Variants in XPO7 observed in about 807,000 individuals in gnomAD.
XPO7 encodes exportin-7.
XPO7 carries 21 observed loss-of-function variants against 144.3 expected under a neutral mutation model. The ratio of observed to expected loss-of-function variants is 0.15; its 90% CI spans 0.10 to 0.21. The LOEUF is 0.21. XPO7 is among the 10% of genes least tolerant of loss of function. The pLI is 1.00. For missense variants in XPO7, 808 were observed against 1,325.8 expected, an observed-to-expected ratio of 0.61 and a Z score of 6.06; for synonymous variants, 580 against 499.6, an observed-to-expected ratio of 1.16 and a Z score of -2.15.
rs182591599 is a variant in XPO7, at chr8:21,966,207, G to T, written c.19-650G>T. On this transcript the variant is annotated intron_variant, in intron 1 of 27. Transcript: ENST00000252512. ...CTGTGAGTGAGCATATGCTAGGGTT[G>T]AATTTATTTTGACGCTTTCATTTTA... 1.5e-5 allele frequency: 11 copies of T among 744,894 alleles called. No individual in the cohort carries two copies. The East Asian group carries it at 1.7e-4, about 12-fold the overall frequency. 46.1% of individuals were successfully genotyped at this position (744,894 alleles called of 1,614,324 possible).
chr8:22,001,372 G>A (rs1813141174), intron 24 of XPO7, among the ~76,000 whole-genome samples: 1 of 151,914 alleles, frequency 6.6e-6, no homozygotes, highest in Non-Finnish European at 1.5e-5. Flanking sequence ...CAGTCCCGTA[G>A]GAATCAGAGA....
At chr8:21,962,191 G>C (rs1811747135) in intron 1 of XPO7, among the ~76,000 whole-genome samples, 1 of 152,158 alleles carries the variant, frequency 6.6e-6, no homozygotes, top group Admixed American at 6.5e-5. Context: ...AGTTTGCCCT[G>C]TGAACTCTAT....
chr8:21,963,621 G>A (rs1054588124), intron 1 of XPO7, among the ~76,000 whole-genome samples: 1 of 151,838 alleles, frequency 6.6e-6, no homozygotes, highest in Non-Finnish European at 1.5e-5. Context: ...CTTGAACCCA[G>A]GAGGCGGAGG....
chr8:21,979,687 G>T (rs937823569), intron 8 of XPO7, among the ~76,000 whole-genome samples: 1 of 152,114 alleles, frequency 6.6e-6, no homozygotes, highest in Non-Finnish European at 1.5e-5. Context: ...GATTACAGGC[G>T]TGAGCCACCA....
intron 16 of XPO7, among the ~76,000 whole-genome samples, chr8:21,989,802 A>G (rs530155219): frequency 4.9e-4 from 54 of 111,228 alleles, no homozygotes; most frequent in South Asian, 9.6e-4. Context: ...TACAAATAGG[A>G]GTTTGGTATA....
chr8:21,934,701 G>A (rs751468797), intron 1 of XPO7, among the ~76,000 whole-genome samples: 59 of 152,206 alleles, frequency 3.9e-4, no homozygotes, highest in Non-Finnish European at 6.3e-4. Flanking sequence ...CCCAACTGAA[G>A]CTTGGGGAGC....
chr8:21,958,014 A>C (rs535846804), intron 1 of XPO7, among the ~76,000 whole-genome samples: 1 of 152,268 alleles, frequency 6.6e-6, no homozygotes, highest in African/African-American at 2.4e-5. Context: ...GAAAAGTCAT[A>C]ATTCATGCAT....
At chr8:21,955,137 G>A (rs1193870374) in intron 1 of XPO7, among the ~76,000 whole-genome samples, 1 of 152,160 alleles carries the variant, frequency 6.6e-6, no homozygotes, top group East Asian at 1.9e-4. Flanking sequence ...TAATCTGCCT[G>A]GCCTGTATAA....
Position 22,003,886 on chromosome 8 carries a change from C to T in XPO7, c.3043-17C>T, listed in dbSNP as rs756238511. 29 of 1,613,366 alleles carry T rather than the reference C, an allele frequency of 1.8e-5. No individual in the cohort carries two copies. The South Asian group carries it at 3.1e-4, about 17-fold the overall frequency. Reference sequence around the variant, plus strand: ...CCCCTGCTTCTCTAACCTTCTGTTCCACTCCTTGCCCCACAGTATTTTTCT... The same window carrying T: ...CCCCTGCTTCTCTAACCTTCTGTTCTACTCCTTGCCCCACAGTATTTTTCT... On this transcript the variant is annotated splice_polypyrimidine_tract_variant and intron_variant, in intron 26 of 27. Transcript: ENST00000252512.
chr8:21,920,320 C>T (rs1197253634), intron 1 of XPO7, among the ~76,000 whole-genome samples: 2 of 152,186 alleles, frequency 1.3e-5, no homozygotes, highest in Non-Finnish European at 2.9e-5. Context: ...GCCTCCTTCC[C>T]CCTCCCACGG....
chr8:21,988,137 A>C (rs751468587), intron 15 of XPO7, among the ~76,000 whole-genome samples: 6 of 152,318 alleles, frequency 3.9e-5, no homozygotes, highest in South Asian at 2.1e-4. Flanking sequence ...TTAGCAAAAC[A>C]GACCTCCACC....
intron 1 of XPO7, among the ~76,000 whole-genome samples, chr8:21,925,532 G>A (rs1810431784): frequency 6.6e-6 from 1 of 152,190 alleles, no homozygotes; most frequent in African/African-American, 2.4e-5. Flanking sequence ...TTTAGATGAT[G>A]TTCATGGTGG....
At chr8:22,001,640 T>A (rs1358613520) in intron 24 of XPO7, among the ~76,000 whole-genome samples, 3 of 152,258 alleles carry the variant, frequency 2.0e-5, no homozygotes, top group African/African-American at 7.2e-5. Context: ...TACCCCAGGC[T>A]TCTTGGATTC....
chr8:21,947,666 C>A (rs1811235955), intron 1 of XPO7, among the ~76,000 whole-genome samples: 1 of 152,036 alleles, frequency 6.6e-6, no homozygotes, highest in Admixed American at 6.6e-5. Context: ...AAAGATCTCT[C>A]CAACAGGGCA....
intron 16 of XPO7, among the ~76,000 whole-genome samples, chr8:21,989,661 T>G (rs1179755753): frequency 1.3e-5 from 2 of 152,068 alleles, no homozygotes; most frequent in African/African-American, 4.8e-5. Context: ...AGAAGTTCAT[T>G]CATTATACAC....
intron 11 of XPO7, among the ~76,000 whole-genome samples, chr8:21,984,055 C>A (rs1812491446): frequency 6.6e-6 from 1 of 152,184 alleles, no homozygotes; most frequent in Non-Finnish European, 1.5e-5. Flanking sequence ...TCACTTGTTA[C>A]AAAACCGGAC....
chr8:21,928,545 C>T (rs1052018906), intron 1 of XPO7, among the ~76,000 whole-genome samples: 4 of 152,276 alleles, frequency 2.6e-5, no homozygotes, highest in East Asian at 3.9e-4. Context: ...TTCATAACTT[C>T]GCCAACATTT....
chr8:21,943,938 A>C (rs1362898069), intron 1 of XPO7, among the ~76,000 whole-genome samples: 2 of 152,266 alleles, frequency 1.3e-5, no homozygotes, highest in African/African-American at 4.8e-5. Flanking sequence ...AGACAAGCTA[A>C]TAATGTTTGG....
rs1419854554 is a variant in XPO7, at chr8:21,980,138, G to T, written c.892G>T (p.Ala298Ser). 6.2e-7 allele frequency: 1 copy of T among 1,605,874 alleles called. No homozygotes were observed. Among genetic ancestry groups the T allele is most frequent in the Non-Finnish European group, 8.5e-7 (1 of 1,175,788 alleles). The change falls in exon 9 of 28, where the codon GCA (alanine) becomes TCA (serine). Residue 298 changes from alanine (A) to serine (S), a missense_variant. Ala to Ser is a moderately conservative substitution (Grantham distance 99). Transcript: ENST00000252512. ...AGTCAGAAGATCCCTGTTTAACAAT[G>T]CAGAGAGGGCCAAGTTTCTCTCTCA... is the stretch of plus-strand genomic sequence containing the variant. Reference protein sequence around the residue: ...ASVRRSLFNNAERAKFLSHLV... With the variant: ...ASVRRSLFNNSERAKFLSHLV...
Sources: gnomAD v4.1 joint callset for allele counts (sites outside exome capture counted in the v4.1 genomes callset) on GRCh38, gnomAD v4.1.1 for gene constraint, MANE v1.5 for transcripts, NCBI Gene and HGNC (gene_info 2026-07-23, HGNC 2026-07-21) for gene names.